The following UACA variants were observed in gnomAD, a reference collection of about 807,000 sequenced individuals.
The protein encoded by UACA is nuclear membrane binding protein.
A neutral mutation model predicts 160.5 loss-of-function variants in UACA; 112 were observed. The ratio of observed to expected loss-of-function variants is 0.70; its 90% CI spans 0.60 to 0.82. The LOEUF is 0.82. UACA is among the 40% of genes least tolerant of loss of function. The probability of loss-of-function intolerance (pLI) is 0.00; values close to 1 mark genes in which losing one functional copy is unlikely to be tolerated. For missense variants in UACA, 1,574 were observed against 1,614.6 expected (o/e 0.97, Z 0.43); for synonymous variants, 557 against 568.4 (o/e 0.98, Z 0.29).
the UACA span, among the ~76,000 whole-genome samples, chr15:70,778,091 C>T: frequency 6.6e-6 from 1 of 152,206 alleles, no homozygotes; most frequent in Middle Eastern, 3.4e-3. Flanking sequence ...GTCCCAGCTA[C>T]CCAGGAGGCT....
chr15:70,748,845 T>C (rs1046885667), intron 1 of UACA: 1 of 152,494 alleles, frequency 6.6e-6, no homozygotes, highest in African/African-American at 2.4e-5. Flanking sequence ...CAGTATTTCA[T>C]GGATGTGACA....
At chr15:70,752,812 G>A (rs1325262701) in intron 1 of UACA, among the ~76,000 whole-genome samples, 3 of 152,102 alleles carry the variant, frequency 2.0e-5, no homozygotes, top group Admixed American at 6.6e-5. Flanking sequence ...TAAAACCAAG[G>A]ATGACAGTAT....
rs1008710456 is a variant in UACA, at chr15:70,726,505, G to A, written c.79-26845C>T. ...ACAGATCTTAAAAATATGTATTCAC[G>A]ACTTTCTCCACTTATTTTCATTTCA... is the stretch of plus-strand genomic sequence containing the variant. On this transcript the variant is annotated intron_variant, in intron 1 of 18. Transcript: ENST00000322954. Among the ~76,000 whole-genome samples the A allele has an allele frequency of 1.6e-4, 24 of 152,056 alleles. 1 individual carries two copies. The highest frequency in any genetic ancestry group is 4.4e-5 in the Non-Finnish European group (3 of 68,008).
intron 1 of UACA, among the ~76,000 whole-genome samples, chr15:70,717,905 G>A (rs1898867408): frequency 1.3e-5 from 2 of 151,976 alleles, no homozygotes; most frequent in African/African-American, 2.4e-5. Flanking sequence ...TCCCAGAGAA[G>A]AAGCAATTCT....
intron 1 of UACA, among the ~76,000 whole-genome samples, chr15:70,716,358 CAT>C (rs1024821104): frequency 9.2e-5 from 14 of 152,354 alleles, no homozygotes; most frequent in African/African-American, 3.4e-4. Context: ...ACTGCAGCCA[CAT>C]GAGTGACCCC....
chr15:70,755,128 C>T (rs1018346989), intron 1 of UACA, among the ~76,000 whole-genome samples: 1 of 152,060 alleles, frequency 6.6e-6, no homozygotes, highest in Admixed American at 6.5e-5. Flanking sequence ...CATGTTATAA[C>T]GTTCAAATCT....
the UACA span, among the ~76,000 whole-genome samples, chr15:70,777,401 A>T: frequency 6.6e-6 from 1 of 152,200 alleles, no homozygotes; most frequent in Non-Finnish European, 1.5e-5. Context: ...AGTCATCAAC[A>T]TACAGCTGGT....
At chr15:70,759,635 A>G (rs1042937395) in intron 1 of UACA, among the ~76,000 whole-genome samples, 1 of 152,254 alleles carries the variant, frequency 6.6e-6, no homozygotes, top group Non-Finnish European at 1.5e-5. Context: ...AGCCTGGGCA[A>G]CAAGAGTGAA....
intron 1 of UACA, among the ~76,000 whole-genome samples, chr15:70,723,247 A>T (rs558127891): frequency 4.6e-5 from 7 of 152,248 alleles, no homozygotes; most frequent in Non-Finnish European, 7.3e-5. Context: ...GTAATCCTAA[A>T]CTTTGGAAGG....
At chr15:70,680,815 A>G (rs1897473530) in intron 9 of UACA, among the ~76,000 whole-genome samples, 2 of 152,248 alleles carry the variant, frequency 1.3e-5, no homozygotes, top group Non-Finnish European at 2.9e-5. Context: ...TCCACTTAGC[A>G]GCGATCTGAT....
At position 70,673,101 on chromosome 15, in the gene UACA, A is replaced by G. The variant is rs149749722; in HGVS notation, c.1132-1100T>C. On this transcript the variant is annotated intron_variant, in intron 13 of 18. Coordinates refer to ENST00000322954, the MANE Select transcript of UACA (RefSeq NM_018003.4). ...ACAAGAGTGAAACTTCGTCTCAAAA[A>G]TAAATAAATAAATAACAACAAACAC... is the stretch of plus-strand genomic sequence containing the variant. 3.3e-3 allele frequency among the ~76,000 whole-genome samples: 499 copies of G among 152,006 alleles called. 3 individuals are homozygous for G. Among genetic ancestry groups the G allele is most frequent in the African/African-American group, 0.011 (454 of 41,452 alleles).
At chr15:70,718,994 T>C (rs112209109) in intron 1 of UACA, among the ~76,000 whole-genome samples, 1 of 151,030 alleles carries the variant, frequency 6.6e-6, no homozygotes, top group African/African-American at 2.4e-5. Flanking sequence ...ATTAGCTCAT[T>C]AAAGGAAAAA....
chr15:70,702,310 A>G (rs1898395237), intron 1 of UACA: 1 of 999,886 alleles, frequency 1.0e-6, no homozygotes, highest in Non-Finnish European at 1.2e-6. Flanking sequence ...GTGCATGATA[A>G]AACTGTCCAC....
At chr15:70,721,705 T>A (rs1043514353) in intron 1 of UACA, among the ~76,000 whole-genome samples, 3 of 151,784 alleles carry the variant, frequency 2.0e-5, no homozygotes, top group African/African-American at 7.3e-5. Context: ...TCAACTATAA[T>A]CAACACAGGC....
chr15:70,671,171 CT>C, intron 14 of UACA, 80 bp from the exon 15 acceptor site: 1 of 1,006,266 alleles, frequency 9.9e-7, no homozygotes, highest in Non-Finnish European at 1.5e-6. Flanking sequence ...ATGTTATTTC[CT>C]TTATTATTCA....
At chr15:70,690,250 C>G (rs1304356195) in intron 5 of UACA, among the ~76,000 whole-genome samples, 1 of 151,994 alleles carries the variant, frequency 6.6e-6, no homozygotes, top group African/African-American at 2.4e-5. Flanking sequence ...TAGTATCTAG[C>G]AAGCTGACTG....
At chr15:70,774,914 G>A in the UACA span, among the ~76,000 whole-genome samples, 1 of 151,936 alleles carries the variant, frequency 6.6e-6, no homozygotes, top group Non-Finnish European at 1.5e-5. Context: ...AATTAGCCAG[G>A]CATAGTAGCA....
At chr15:70,704,280 G>C (rs911172970) in intron 1 of UACA, among the ~76,000 whole-genome samples, 11 of 152,156 alleles carry the variant, frequency 7.2e-5, no homozygotes, top group Non-Finnish European at 1.6e-4. Context: ...ACATTTACCA[G>C]CAACATTGTT....
Position 70,695,017 on chromosome 15 carries a change from C to A in UACA, c.301G>T (p.Gly101Trp). Residue 101 changes from glycine (G) to tryptophan (W), a missense_variant and splice_region_variant, in exon 3 of 19, where the codon GGG becomes TGG. By Grantham distance (184) the Gly-to-Trp change is radical. Transcript: ENST00000322954. ...TAATTAACTATGGAGGCAAACATAC[C>A]TGCAGTGTCACTGGTTGTAATATCA... The part of the protein sequence containing the change: ...GVDITTSDTA[G>W]RNALHLAAKY... The A allele has an allele frequency of 6.2e-7, 1 of 1,604,614 alleles. No homozygotes were observed.
Sources: allele counts gnomAD v4.1 joint callset (sites outside exome capture counted in the v4.1 genomes callset), GRCh38; gene constraint gnomAD v4.1.1; transcripts MANE v1.5; gene names NCBI Gene and HGNC (gene_info 2026-07-23, HGNC 2026-07-21).